The following SOS2 variants were observed in gnomAD, a reference collection of about 807,000 sequenced individuals.
The protein encoded by SOS2 is SOS Ras/Rho guanine nucleotide exchange factor 2, also known as son of sevenless homolog 2.
Under a neutral mutation model 148.2 loss-of-function variants are expected in SOS2, and 65 were observed. That is an observed-to-expected ratio of 0.44 (90% CI 0.36 to 0.54). The LOEUF (loss-of-function observed/expected upper bound fraction) is 0.54, where lower values mean the gene tolerates loss of function less well. SOS2 is among the 20% of genes least tolerant of loss of function. SOS2 has a pLI of 0.00. For synonymous variants in SOS2, 539 were observed against 537.1 expected, an observed-to-expected ratio of 1.00 and a Z score of -0.05; for missense variants, 1,341 against 1,590.2, an observed-to-expected ratio of 0.84 and a Z score of 2.67.
chr14:50,138,748 C>A lies in SOS2; in HGVS notation c.2822G>T (p.Gly941Val). 9.0e-7 allele frequency: 1 copy of A among 1,113,474 alleles called. No homozygotes were observed. The highest frequency in any genetic ancestry group is 1.3e-6 in the Non-Finnish European group (1 of 752,028). 69.0% of individuals were successfully genotyped at this position (1,113,474 alleles called of 1,614,324 possible). A position where few individuals can be genotyped will look rare whatever the true frequency, so the allele number is the denominator to read the frequency against. Residue 941 changes from glycine (G) to valine (V), a missense_variant, in exon 18 of 23, where the codon GGG (glycine) becomes GTG (valine). Coordinates refer to ENST00000216373, the MANE Select transcript of SOS2 (RefSeq NM_006939.4). The stretch of plus-strand genomic sequence containing the variant: ...TTTCTTTTTTAAAAAATCATTATTC[C>A]CTTCTTCGGTCTTCAGAATATTTGT... ...YLTNILKTEE[G>V]NNDFLKKKGK... is the part of the protein sequence containing the mutation.
intron 3 of SOS2, 146 bp from the exon 4 acceptor site, chr14:50,200,001 G>C: frequency 3.8e-6 from 2 of 520,620 alleles, no homozygotes; most frequent in Non-Finnish European, 6.7e-6. Flanking sequence ...GATATAAAAT[G>C]AATCTTTGGT....
intron 4 of SOS2, among the ~76,000 whole-genome samples, chr14:50,193,688 T>C (rs1020514965): frequency 3.9e-5 from 6 of 152,104 alleles, no homozygotes; most frequent in African/African-American, 1.4e-4. Context: ...ACTAAGATCA[T>C]ACCACATCAT....
chr14:50,204,202 C>T, intron 2 of SOS2, 82 bp downstream of exon 2: 1 of 807,898 alleles, frequency 1.2e-6, no homozygotes, highest in Non-Finnish European at 1.8e-6. Flanking sequence ...TTAGTTTTCA[C>T]AATAAATTAG....
At chr14:50,149,358 G>A (rs765938769) in intron 14 of SOS2, among the ~76,000 whole-genome samples, 1 of 152,154 alleles carries the variant, frequency 6.6e-6, no homozygotes, top group African/African-American at 2.4e-5. Context: ...CAACATGGAT[G>A]AGCCCGGAGG....
At chr14:50,144,847 A>G (rs1438463741) in intron 16 of SOS2, among the ~76,000 whole-genome samples, 1 of 152,184 alleles carries the variant, frequency 6.6e-6, no homozygotes, top group Non-Finnish European at 1.5e-5. Flanking sequence ...GTCATTTGAG[A>G]CTATCAATCA....
chr14:50,174,802 C>G (rs1885472168), intron 7 of SOS2, among the ~76,000 whole-genome samples: 1 of 152,150 alleles, frequency 6.6e-6, no homozygotes, highest in Non-Finnish European at 1.5e-5. Context: ...CAATAATCCT[C>G]TACAGCTTAT....
At chr14:50,208,304 CAAAT>C in intron 1 of SOS2, among the ~76,000 whole-genome samples, 1 of 151,584 alleles carries the variant, frequency 6.6e-6, no homozygotes, top group Admixed American at 6.6e-5. Context: ...CTCAAACAAA[CAAAT>C]AAAAAATCTC....
intron 16 of SOS2, 72 bp downstream of exon 16, chr14:50,145,098 G>T: frequency 1.3e-6 from 1 of 764,214 alleles, no homozygotes; most frequent in Non-Finnish European, 2.0e-6. Context: ...AAAGACAGAT[G>T]ATAGATGAAA....
At chr14:50,147,371 G>A (rs1313908799) in intron 14 of SOS2, among the ~76,000 whole-genome samples, 1 of 151,796 alleles carries the variant, frequency 6.6e-6, no homozygotes, top group Admixed American at 6.6e-5. Flanking sequence ...AATTAGCCAG[G>A]TATGGTGGTG....
At chr14:50,124,647 A>G (rs1454482607) in intron 21 of SOS2, among the ~76,000 whole-genome samples, 1 of 152,246 alleles carries the variant, frequency 6.6e-6, no homozygotes, top group African/African-American at 2.4e-5. Context: ...AAAAAAATAC[A>G]TTAATTCAAA....
intron 1 of SOS2, among the ~76,000 whole-genome samples, chr14:50,205,288 G>A (rs1315001454): frequency 6.6e-6 from 1 of 152,106 alleles, no homozygotes; most frequent in African/African-American, 2.4e-5. Context: ...CTGGGCTCAA[G>A]TGATCCTCCC....
At chr14:50,126,285 A>C (rs1202961892) in intron 21 of SOS2, among the ~76,000 whole-genome samples, 1 of 152,182 alleles carries the variant, frequency 6.6e-6, no homozygotes, top group Non-Finnish European at 1.5e-5. Flanking sequence ...TTGTGGTGAG[A>C]ACATTTAAAA....
chr14:50,208,157 C>T lies in SOS2; in HGVS notation c.88-3748G>A, dbSNP rs553145889. Among the ~76,000 whole-genome samples, 3 of 151,726 alleles carry T rather than the reference C, an allele frequency of 2.0e-5. No homozygotes were observed. The East Asian group carries it at 5.9e-4, about 30-fold the overall frequency. ...CTAAAAATACAAAAAATTAGCCACG[C>T]ATGGTAGAAGGCGCGTGTAGTCCCA... On this transcript the variant is annotated intron_variant, in intron 1 of 22. Transcript: ENST00000216373.
chr14:50,158,668 T>C (rs199923702), intron 10 of SOS2, 22 bp from the exon 11 acceptor site: 87 of 1,478,776 alleles, frequency 5.9e-5, no homozygotes, highest in South Asian at 2.2e-4. Flanking sequence ...GAGCATAAAA[T>C]AGGTTTCATG....
rs1435584016 is a variant in SOS2, at chr14:50,131,484, AT to A, written c.3076-723del. The stretch of plus-strand genomic sequence containing the variant: ...TATGAAATAACTATGCATGACTTTC[AT>A]TTTTTTCCATCAAAATAAACTCATA... On this transcript the variant is annotated intron_variant, in intron 19 of 22. Coordinates refer to ENST00000216373, the MANE Select transcript of SOS2 (RefSeq NM_006939.4). Among the ~76,000 whole-genome samples the A allele has an allele frequency of 2.0e-5, 3 of 152,256 alleles. No homozygotes were observed. In the South Asian group the frequency reaches 6.2e-4, roughly 32 times the overall value.
intron 4 of SOS2, among the ~76,000 whole-genome samples, chr14:50,194,014 G>C (rs1886239849): frequency 6.6e-6 from 1 of 152,192 alleles, no homozygotes; most frequent in Non-Finnish European, 1.5e-5. Flanking sequence ...CAAAGTGCTA[G>C]GATTACAGGT....
chr14:50,185,431 C>T (rs1032426585), intron 5 of SOS2, among the ~76,000 whole-genome samples: 4 of 152,066 alleles, frequency 2.6e-5, no homozygotes, highest in Admixed American at 6.6e-5. Flanking sequence ...GTGGCTCATG[C>T]CTATAATCCC....
chr14:50,200,584 T>C (rs1026293454), intron 3 of SOS2, among the ~76,000 whole-genome samples: 121 of 128,168 alleles, frequency 9.4e-4, no homozygotes, highest in African/African-American at 3.7e-3. Flanking sequence ...TGATGGCTCA[T>C]GACTCTTATC....
At chr14:50,119,440 G>C (rs1883422503) in intron 22 of SOS2, among the ~76,000 whole-genome samples, 1 of 152,208 alleles carries the variant, frequency 6.6e-6, no homozygotes, top group Admixed American at 6.5e-5. Context: ...AGCATTAGTT[G>C]AAAGTTTGAA....
Sources: allele counts gnomAD v4.1 joint callset (sites outside exome capture counted in the v4.1 genomes callset), GRCh38; gene constraint gnomAD v4.1.1; transcripts MANE v1.5; gene names NCBI Gene and HGNC (gene_info 2026-07-23, HGNC 2026-07-21).